PRPSAP2: variants seen among roughly 807,000 people sequenced by gnomAD.
The protein encoded by PRPSAP2 is phosphoribosyl pyrophosphate synthetase associated protein 2.
A neutral mutation model predicts 40.6 loss-of-function variants in PRPSAP2; 24 were observed. That is an observed-to-expected ratio of 0.59 (90% CI 0.43 to 0.83). PRPSAP2 has a LOEUF of 0.83. PRPSAP2 is among the 40% of genes least tolerant of loss of function. The pLI is 0.00. For synonymous variants in PRPSAP2, 149 were observed against 164.7 expected (o/e 0.90, Z 0.73); for missense variants, 292 against 465.6 (o/e 0.63, Z 3.43).
intron 6 of PRPSAP2, among the ~76,000 whole-genome samples, chr17:18,881,503 G>C (rs1157706201): frequency 6.6e-6 from 1 of 152,036 alleles, no homozygotes. Context: ...CTCCCAAAGT[G>C]CTGGGATTAC....
At chr17:18,922,071 A>G (rs147951228) in intron 9 of PRPSAP2, among the ~76,000 whole-genome samples, 7 of 152,324 alleles carry the variant, frequency 4.6e-5, no homozygotes, top group African/African-American at 1.7e-4. Context: ...TATAAACGGA[A>G]TCATATAATA....
intron 1 of PRPSAP2, among the ~76,000 whole-genome samples, chr17:18,861,883 T>TTTGTTTGTTTG (rs2037047173): frequency 6.6e-6 from 1 of 150,858 alleles, no homozygotes; most frequent in Admixed American, 6.6e-5. Context: ...CAGCATGTTC[T>TTTGTTTGTTTG]TTTGTTTGTT....
chr17:18,889,140 G>C (rs1466504296), intron 7 of PRPSAP2, among the ~76,000 whole-genome samples: 2 of 152,234 alleles, frequency 1.3e-5, no homozygotes, highest in Non-Finnish European at 2.9e-5. Flanking sequence ...CTTTCCTGTA[G>C]ATACAGCTGA....
chr17:18,919,624 C>CT, intron 9 of PRPSAP2, among the ~76,000 whole-genome samples: 1 of 152,274 alleles, frequency 6.6e-6, no homozygotes, highest in East Asian at 1.9e-4. Flanking sequence ...CATGATGGTG[C>CT]CACTGCACTC....
intron 4 of PRPSAP2, 113 bp from the exon 5 acceptor site, chr17:18,872,470 C>T: frequency 1.3e-6 from 1 of 767,142 alleles, no homozygotes; most frequent in Admixed American, 2.3e-5. Context: ...AGTCTTATAA[C>T]AGTTTGAGTT....
chr17:18,893,177 C>T (rs66526982), intron 8 of PRPSAP2, among the ~76,000 whole-genome samples: 11,268 of 131,812 alleles, frequency 0.085, 537 homozygotes, highest in Middle Eastern at 0.18. Flanking sequence ...TTTTTTGAGA[C>T]GGAGTCTCAG....
intron 8 of PRPSAP2, among the ~76,000 whole-genome samples, chr17:18,890,496 A>G (rs2039474701): frequency 6.6e-6 from 1 of 152,018 alleles, no homozygotes; most frequent in Admixed American, 6.6e-5. Flanking sequence ...TAGTAGAAAC[A>G]GAGTTTTGCC....
chr17:18,914,346 C>T (rs2041172018), intron 9 of PRPSAP2, among the ~76,000 whole-genome samples: 1 of 144,460 alleles, frequency 6.9e-6, no homozygotes, highest in South Asian at 2.2e-4. Context: ...CAGCCTCCAC[C>T]TCCCGGGCCC....
At chr17:18,895,131 C>A (rs944885776) in intron 8 of PRPSAP2, among the ~76,000 whole-genome samples, 1 of 146,300 alleles carries the variant, frequency 6.8e-6, no homozygotes, top group African/African-American at 2.6e-5. Flanking sequence ...TTTACCCAGA[C>A]TGGAGTGCAC....
At chr17:18,868,903 G>A (rs1283737212) in intron 4 of PRPSAP2, among the ~76,000 whole-genome samples, 1 of 151,964 alleles carries the variant, frequency 6.6e-6, no homozygotes, top group Non-Finnish European at 1.5e-5. Flanking sequence ...AAGCCTACAG[G>A]AGGCTTTGAT....
chr17:18,912,373 C>A (rs1403076582), intron 9 of PRPSAP2, among the ~76,000 whole-genome samples: 1 of 152,162 alleles, frequency 6.6e-6, no homozygotes, highest in African/African-American at 2.4e-5. Flanking sequence ...AAAAGCCCTA[C>A]CTCTTAATAC....
intron 7 of PRPSAP2, among the ~76,000 whole-genome samples, chr17:18,884,303 T>TA (rs1213370160): frequency 6.6e-6 from 1 of 150,596 alleles, no homozygotes; most frequent in Non-Finnish European, 1.5e-5. Flanking sequence ...TCTAACAAAT[T>TA]AAAAAAATAA....
At chr17:18,906,886 A>G (rs554630484) in intron 8 of PRPSAP2, among the ~76,000 whole-genome samples, 1 of 152,252 alleles carries the variant, frequency 6.6e-6, no homozygotes, top group African/African-American at 2.4e-5. Context: ...CACTGTAGCA[A>G]AGCTTTCCTT....
chr17:18,909,303 A>G (rs886267245), intron 8 of PRPSAP2, among the ~76,000 whole-genome samples: 5 of 141,654 alleles, frequency 3.5e-5, no homozygotes, highest in Non-Finnish European at 7.5e-5. Flanking sequence ...GTGCATTGGC[A>G]CTATCTCCAC....
At chr17:18,877,130 A>G (rs1009045221) in intron 5 of PRPSAP2, among the ~76,000 whole-genome samples, 4 of 152,222 alleles carry the variant, frequency 2.6e-5, no homozygotes, top group East Asian at 1.9e-4. Flanking sequence ...CTGGAAGCCA[A>G]GTGACCGTGG....
At chr17:18,861,025 C>T (rs1488067491) in intron 1 of PRPSAP2, among the ~76,000 whole-genome samples, 3 of 152,158 alleles carry the variant, frequency 2.0e-5, no homozygotes, top group Admixed American at 6.5e-5. Flanking sequence ...TCATTTCACA[C>T]TAAAACCTTG....
At chr17:18,885,562 C>T (rs950583449) in intron 7 of PRPSAP2, among the ~76,000 whole-genome samples, 2 of 151,928 alleles carry the variant, frequency 1.3e-5, no homozygotes, top group Non-Finnish European at 2.9e-5. Context: ...CTCCTGGGTT[C>T]AAGCAAGCAT....
chr17:18,861,938 C>T (rs1056472633), intron 1 of PRPSAP2, among the ~76,000 whole-genome samples: 4 of 152,004 alleles, frequency 2.6e-5, no homozygotes, highest in Non-Finnish European at 5.9e-5. Context: ...CCCAGGCTGG[C>T]GTGCAGTGGT....
intron 8 of PRPSAP2, among the ~76,000 whole-genome samples, chr17:18,903,726 T>C (rs1367765758): frequency 6.6e-6 from 1 of 152,094 alleles, no homozygotes; most frequent in East Asian, 1.9e-4. Context: ...AGCCAGACCC[T>C]GTCTCAAAAA....
Sources: gnomAD v4.1 joint callset for allele counts (sites outside exome capture counted in the v4.1 genomes callset) on GRCh38, gnomAD v4.1.1 for gene constraint, MANE v1.5 for transcripts, NCBI Gene and HGNC (gene_info 2026-07-23, HGNC 2026-07-21) for gene names.